Variants in KCNT2 observed in about 807,000 individuals in gnomAD.
KCNT2 encodes the protein potassium sodium-activated channel subfamily T member 2, also known as potassium channel subfamily T member 2.
Under a neutral mutation model 153.8 loss-of-function variants are expected in KCNT2, and 67 were observed. The ratio of observed to expected loss-of-function variants is 0.44; its 90% CI spans 0.36 to 0.53. The LOEUF is 0.53. KCNT2 is among the 20% of genes least tolerant of loss of function. KCNT2 has a pLI of 0.00. For synonymous variants in KCNT2, 500 were observed against 458.8 expected (o/e 1.09, Z -1.15); for missense variants, 975 against 1,354.8 (o/e 0.72, Z 4.40).
At chr1:196,332,941 C>T (rs966633680) in intron 17 of KCNT2, among the ~76,000 whole-genome samples, 4 of 151,776 alleles carry the variant, frequency 2.6e-5, no homozygotes, top group African/African-American at 9.7e-5. Context: ...CGCACCACCA[C>T]TCCTAGCTAA....
At chr1:196,376,599 C>G (rs1668989556) in intron 13 of KCNT2, among the ~76,000 whole-genome samples, 1 of 151,900 alleles carries the variant, frequency 6.6e-6, no homozygotes, top group Non-Finnish European at 1.5e-5. Context: ...AGGCTAACAA[C>G]TTTCTAATTG....
At chr1:196,379,700 TCTGA>T (rs1440325267) in intron 13 of KCNT2, among the ~76,000 whole-genome samples, 1 of 152,244 alleles carries the variant, frequency 6.6e-6, no homozygotes, top group Non-Finnish European at 1.5e-5. Flanking sequence ...TTCTGTTTAT[TCTGA>T]CTTAGATCTT....
intron 1 of KCNT2, among the ~76,000 whole-genome samples, chr1:196,492,875 A>G (rs994055325): frequency 6.6e-6 from 1 of 152,182 alleles, no homozygotes; most frequent in Non-Finnish European, 1.5e-5. Flanking sequence ...ACTCTGTAAC[A>G]CTTTACCTTC....
At chr1:196,423,134 A>C in intron 11 of KCNT2, 21 bp from the exon 12 acceptor site, 3 of 1,516,408 alleles carry the variant, frequency 2.0e-6, no homozygotes, top group Non-Finnish European at 2.7e-6. Flanking sequence ...ATGGAAAAAC[A>C]AAATAATCAC....
chr1:196,428,725 GAAGA>G (rs1256408517), intron 9 of KCNT2, among the ~76,000 whole-genome samples: 1 of 152,102 alleles, frequency 6.6e-6, no homozygotes. Context: ...GGTATGTCAG[GAAGA>G]AAGACATGCA....
At chr1:196,308,057 C>A (rs1661808058) in intron 21 of KCNT2, among the ~76,000 whole-genome samples, 1 of 152,076 alleles carries the variant, frequency 6.6e-6, no homozygotes, top group Middle Eastern at 3.4e-3. Context: ...TCAATGAGCA[C>A]AAAGCCCTAT....
chr1:196,375,497 A>G lies in KCNT2; in HGVS notation c.1295-2249T>C, dbSNP rs185499113. 8.3e-4 allele frequency among the ~76,000 whole-genome samples: 126 copies of G among 151,906 alleles called. 3 individuals carry two copies. In the East Asian group the frequency reaches 0.022, roughly 26 times the overall value. Reference sequence around the variant, plus strand: ...GTAAGTCATTAATAAAAATTAATATATGATATGTATCAGTCAAAACCTAGC... The same window carrying G: ...GTAAGTCATTAATAAAAATTAATATGTGATATGTATCAGTCAAAACCTAGC... On this transcript the variant is annotated intron_variant, in intron 13 of 27. Transcript: ENST00000294725.
intron 10 of KCNT2, 57 bp from the exon 11 acceptor site, chr1:196,426,045 C>T: frequency 7.7e-7 from 1 of 1,306,982 alleles, no homozygotes; most frequent in African/African-American, 1.5e-5. Context: ...TGTTACACTA[C>T]ATAGAAAAAT....
At chr1:196,395,295 T>C (rs1432091350) in intron 13 of KCNT2, among the ~76,000 whole-genome samples, 1 of 151,640 alleles carries the variant, frequency 6.6e-6, no homozygotes, top group African/African-American at 2.4e-5. Context: ...GGAAGATATA[T>C]TTTCTATTCT....
At chr1:196,324,877 C>T (rs1461968332) in intron 19 of KCNT2, among the ~76,000 whole-genome samples, 1 of 151,996 alleles carries the variant, frequency 6.6e-6, no homozygotes, top group Non-Finnish European at 1.5e-5. Context: ...ATATACAAAT[C>T]AATCAATCAT....
chr1:196,256,760 A>C (rs1261423444), intron 26 of KCNT2, among the ~76,000 whole-genome samples: 1 of 151,102 alleles, frequency 6.6e-6, no homozygotes, highest in African/African-American at 2.4e-5. Flanking sequence ...TATAAAAAAC[A>C]GTGTTAGTGT....
chr1:196,296,870 A>C (rs1024111645), intron 22 of KCNT2, among the ~76,000 whole-genome samples: 6 of 152,098 alleles, frequency 3.9e-5, no homozygotes, highest in Non-Finnish European at 7.4e-5. Flanking sequence ...TGCCTTGCAG[A>C]CTAGCAAAAC....
chr1:196,495,200 C>T (rs1264997443), intron 1 of KCNT2, among the ~76,000 whole-genome samples: 2 of 151,746 alleles, frequency 1.3e-5, no homozygotes, highest in Non-Finnish European at 2.9e-5. Flanking sequence ...TTTTTTGATA[C>T]ATGACTTATA....
At chr1:196,495,510 T>G (rs555253970) in intron 1 of KCNT2, among the ~76,000 whole-genome samples, 24 of 152,248 alleles carry the variant, frequency 1.6e-4, no homozygotes, top group African/African-American at 5.5e-4. Context: ...CCTCCTTTCC[T>G]TCCTTTAATC....
intron 8 of KCNT2, among the ~76,000 whole-genome samples, chr1:196,430,671 A>G (rs1674073399): frequency 6.6e-6 from 1 of 152,116 alleles, no homozygotes; most frequent in Non-Finnish European, 1.5e-5. Context: ...TAAATGAATC[A>G]ATCATTTGTG....
chr1:196,357,481 C>T (rs1053164587), intron 14 of KCNT2, among the ~76,000 whole-genome samples: 4 of 151,806 alleles, frequency 2.6e-5, no homozygotes, highest in Non-Finnish European at 5.9e-5. Flanking sequence ...ATTCCAATCC[C>T]TTGTGGAGAC....
chr1:196,257,398 A>G (rs1398764379), intron 26 of KCNT2: 2 of 973,712 alleles, frequency 2.1e-6, no homozygotes, highest in Non-Finnish European at 1.2e-6. Context: ...AATATGGAAT[A>G]CCTTCTATTT....
intron 1 of KCNT2, among the ~76,000 whole-genome samples, chr1:196,567,435 C>A (rs1440252090): frequency 6.6e-6 from 1 of 152,122 alleles, no homozygotes; most frequent in East Asian, 1.9e-4. Flanking sequence ...ATAGCAAGTG[C>A]TGTTGTCAGC....
chr1:196,427,771 T>A lies in KCNT2; in HGVS notation c.984+334A>T, dbSNP rs562129131. On this transcript the variant is annotated intron_variant, in intron 10 of 27. Transcript: ENST00000294725. ...TTCTTTCTTGTTTTATTATATTTTA[T>A]CTTAAAATTCACTGTTCCATAAAAA... Among the ~76,000 whole-genome samples the A allele has an allele frequency of 1.6e-3, 243 of 152,186 alleles. 1 individual carries two copies. The highest frequency in any genetic ancestry group is 2.7e-3 in the Non-Finnish European group (181 of 67,978).
Sources: allele counts gnomAD v4.1 joint callset (sites outside exome capture counted in the v4.1 genomes callset), GRCh38; gene constraint gnomAD v4.1.1; transcripts MANE v1.5; gene names NCBI Gene and HGNC (gene_info 2026-07-23, HGNC 2026-07-21).